VAMP7: variants seen among roughly 807,000 people sequenced by gnomAD.
VAMP7 encodes vesicle-associated membrane protein 7.
VAMP7 carries 14 observed loss-of-function variants against 29.6 expected under a neutral mutation model. The observed-to-expected ratio is 0.47, with a 90% confidence interval of 0.31 to 0.74. VAMP7 has a LOEUF of 0.74. Among genes scored for constraint, VAMP7 ranks in the 30% least tolerant of loss-of-function variants. The probability of loss-of-function intolerance (pLI) is 0.05; values close to 1 mark genes in which losing one functional copy is unlikely to be tolerated. For synonymous variants in VAMP7, 95 were observed against 88.1 expected, an observed-to-expected ratio of 1.08 and a Z score of -0.44; for missense variants, 223 against 262.4, an observed-to-expected ratio of 0.85 and a Z score of 1.04.
At chrX:155,938,980 G>T (rs1286286109) in intron 6 of VAMP7, among the ~76,000 whole-genome samples, 3 of 152,134 alleles carry the variant, frequency 2.0e-5, no homozygotes, top group African/African-American at 7.2e-5. Flanking sequence ...TGTAATTTAT[G>T]CATTGCACAG....
chrX:155,931,280 C>T (rs1481252110), intron 6 of VAMP7, among the ~76,000 whole-genome samples: 4 of 152,166 alleles, frequency 2.6e-5, no homozygotes, highest in African/African-American at 4.8e-5. Context: ...CCTGAGGAAT[C>T]GCCACACTGT....
At position 155,941,990 on chromosome X, in the gene VAMP7, C is replaced by T. The variant is rs754209049; in HGVS notation, c.*39C>T. 6.2e-6 allele frequency: 10 copies of T among 1,613,646 alleles called. No individual in the cohort carries two copies. The highest frequency in any genetic ancestry group is 1.7e-4 in the Middle Eastern group (1 of 6,056). Reference sequence around the variant, plus strand: ...ACCATTAACCAAGGATATGAGAGAACAAGGAGTTAAAAGCAATCCATGTGA... The same window carrying T: ...ACCATTAACCAAGGATATGAGAGAATAAGGAGTTAAAAGCAATCCATGTGA... On this transcript the variant is annotated 3_prime_UTR_variant, in exon 8 of 8. Coordinates refer to ENST00000286448, the MANE Select transcript of VAMP7 (RefSeq NM_005638.6).
At chrX:155,922,061 T>C (rs1401077928) in intron 6 of VAMP7, among the ~76,000 whole-genome samples, 1 of 151,850 alleles carries the variant, frequency 6.6e-6, no homozygotes, top group Non-Finnish European at 1.5e-5. Context: ...TATCATGCTT[T>C]TGTATTGTGT....
chrX:155,891,033 C>A (rs2065920337), intron 2 of VAMP7, among the ~76,000 whole-genome samples: 1 of 152,146 alleles, frequency 6.6e-6, no homozygotes, highest in Non-Finnish European at 1.5e-5. Context: ...GCCAAGGCAG[C>A]TCCTTTGGTG....
chrX:155,887,920 A>G (rs2124225843), intron 1 of VAMP7, among the ~76,000 whole-genome samples: 1 of 150,584 alleles, frequency 6.6e-6, no homozygotes, highest in African/African-American at 2.4e-5. Context: ...CTTGGGTGAC[A>G]GAGCAAGACC....
At chrX:155,933,410 C>A (rs1406481558) in intron 6 of VAMP7, among the ~76,000 whole-genome samples, 3 of 152,146 alleles carry the variant, frequency 2.0e-5, no homozygotes, top group African/African-American at 4.8e-5. Context: ...AGAGATTCAA[C>A]TTCTTCCTGG....
intron 7 of VAMP7, among the ~76,000 whole-genome samples, chrX:155,940,593 G>A (rs1449078126): frequency 1.3e-5 from 2 of 152,116 alleles, no homozygotes; most frequent in African/African-American, 4.8e-5. Flanking sequence ...CAGCTGAATT[G>A]TTAAATTCAG....
intron 5 of VAMP7, among the ~76,000 whole-genome samples, chrX:155,907,036 A>G (rs1180238933): frequency 1.3e-5 from 2 of 151,660 alleles, no homozygotes; most frequent in African/African-American, 2.4e-5. Flanking sequence ...GATTTTGTCA[A>G]TTTTTTTTAC....
chrX:155,898,306 A>T, intron 4 of VAMP7, 57 bp downstream of exon 4: 13 of 1,591,728 alleles, frequency 8.2e-6, no homozygotes, highest in Non-Finnish European at 9.4e-6. Flanking sequence ...TTACCTTCAA[A>T]CACTATGAAT....
At chrX:155,920,477 G>A (rs1360914743) in intron 6 of VAMP7, among the ~76,000 whole-genome samples, 2 of 152,114 alleles carry the variant, frequency 1.3e-5, no homozygotes, top group African/African-American at 4.8e-5. Flanking sequence ...GGAGGGCAGA[G>A]ATCAGCTACA....
chrX:155,912,412 C>T, intron 5 of VAMP7, among the ~76,000 whole-genome samples: 1 of 152,114 alleles, frequency 6.6e-6, no homozygotes, highest in East Asian at 1.9e-4. Context: ...GCAGAATGTG[C>T]AGCTTTGTTA....
intron 5 of VAMP7, among the ~76,000 whole-genome samples, chrX:155,903,452 C>T (rs1212483622): frequency 6.6e-6 from 1 of 152,054 alleles, no homozygotes; most frequent in African/African-American, 2.4e-5. Flanking sequence ...TCACAACCTA[C>T]TCATCTGACA....
chrX:155,903,289 G>T, intron 5 of VAMP7, among the ~76,000 whole-genome samples: 1 of 152,052 alleles, frequency 6.6e-6, no homozygotes, highest in South Asian at 2.1e-4. Flanking sequence ...CAGGACATAG[G>T]CATGGGCAAG....
At chrX:155,904,731 A>G (rs898066238) in intron 5 of VAMP7, among the ~76,000 whole-genome samples, 6 of 152,006 alleles carry the variant, frequency 3.9e-5, no homozygotes, top group Non-Finnish European at 8.8e-5. Flanking sequence ...TGATTGTGAG[A>G]TTCATTCATG....
chrX:155,910,147 TTG>T (rs2066216112), intron 5 of VAMP7, among the ~76,000 whole-genome samples: 1 of 152,180 alleles, frequency 6.6e-6, no homozygotes, highest in Non-Finnish European at 1.5e-5. Context: ...TATTGTGCTA[TTG>T]TCTACCTCCA....
At chrX:155,882,808 G>A (rs1249449334) in intron 1 of VAMP7, among the ~76,000 whole-genome samples, 5 of 152,076 alleles carry the variant, frequency 3.3e-5, no homozygotes, top group Non-Finnish European at 7.4e-5. Flanking sequence ...GATATTTGAG[G>A]GAATATTAGA....
chrX:155,888,650 A>G (rs2065892805), intron 1 of VAMP7, among the ~76,000 whole-genome samples: 1 of 152,166 alleles, frequency 6.6e-6, no homozygotes, highest in Non-Finnish European at 1.5e-5. Flanking sequence ...CTCATGCCAT[A>G]TGGTTTTAGT....
In VAMP7 at chrX:155,889,552, CAG is replaced by C; in HGVS notation, c.89_90del (p.Glu30AlafsTer5). On this transcript the variant is annotated frameshift_variant, in exon 2 of 8. Transcript: ENST00000286448. LOFTEE classifies it high-confidence loss of function. ...TGTGGAGGAAACTTCCTGGAGGTGACAGAGCAGATTCTGGCTAAGATACCTTC... is the reference window on the plus strand; with the variant it reads ...TGTGGAGGAAACTTCCTGGAGGTGACAGCAGATTCTGGCTAAGATACCTTC... The C allele has an allele frequency of 6.2e-7, 1 of 1,613,884 alleles. No homozygotes were observed. The highest frequency in any genetic ancestry group is 1.1e-5 in the South Asian group (1 of 91,066).
At position 155,895,659 on chromosome X, in the gene VAMP7, A is replaced by G. The variant is rs151063060; in HGVS notation, c.183A>G (p.Val61=). 416 of 1,610,418 alleles carry G rather than the reference A, an allele frequency of 2.6e-4. No homozygotes were observed. Among genetic ancestry groups the G allele is most frequent in the Non-Finnish European group, 2.9e-4 (340 of 1,176,802 alleles). The change falls in exon 3 of 8, where the codon GTA becomes GTG. Residue 61 remains valine, a synonymous_variant. Coordinates refer to ENST00000286448, the MANE Select transcript of VAMP7 (RefSeq NM_005638.6). ...ATTACATCTGCCAAGACAGGATTGTATATCTTTGTATCACTGATGATGTAA... is the reference window on the plus strand; with the variant it reads ...ATTACATCTGCCAAGACAGGATTGTGTATCTTTGTATCACTGATGATGTAA... ...LFHYICQDRI[V]YLCITDDDFE...
Sources: allele counts gnomAD v4.1 joint callset (sites outside exome capture counted in the v4.1 genomes callset), GRCh38; gene constraint gnomAD v4.1.1; transcripts MANE v1.5; gene names NCBI Gene and HGNC (gene_info 2026-07-23, HGNC 2026-07-21).